Variants in PPP6R3 observed in about 807,000 individuals in gnomAD.
The protein encoded by PPP6R3 is protein phosphatase 6 regulatory subunit 3.
PPP6R3 carries 38 observed loss-of-function variants against 110.7 expected under a neutral mutation model. The observed-to-expected ratio is 0.34, with a 90% CI of 0.26 to 0.45. The LOEUF (loss-of-function observed/expected upper bound fraction) is 0.45, where lower values mean the gene tolerates loss of function less well. Ranked by LOEUF, PPP6R3 falls within the 20% of genes least tolerant of loss-of-function variation. PPP6R3 has a pLI of 1.00. For synonymous variants in PPP6R3, 369 were observed against 373.5 expected (o/e 0.99, Z 0.14); for missense variants, 870 against 1,062.4 (o/e 0.82, Z 2.52).
intron 2 of PPP6R3, among the ~76,000 whole-genome samples, chr11:68,523,964 A>G (rs947285163): frequency 2.6e-5 from 4 of 152,078 alleles, no homozygotes; most frequent in Admixed American, 2.6e-4. Context: ...AAGGTTACAT[A>G]ATCTTTTCTA....
chr11:68,463,340 C>T lies in PPP6R3; in HGVS notation c.-158+2513C>T, dbSNP rs996185376. On this transcript the variant is annotated intron_variant, in intron 1 of 23. Coordinates refer to ENST00000393800, the MANE Select transcript of PPP6R3 (RefSeq NM_001164161.2). ...GCCAAGTCCAGCCTAGGAGACAGAG[C>T]GAGACTCAGTCTCAGAAAAAAAAAA... is the stretch of plus-strand genomic sequence containing the variant. Among the ~76,000 whole-genome samples the T allele has an allele frequency of 3.3e-4, 39 of 116,430 alleles. 1 individual carries two copies. Among genetic ancestry groups the T allele is most frequent in the Non-Finnish European group, 5.7e-4 (34 of 59,558 alleles). The allele number at this position is 116,430 out of a possible 152,430, so 76.4% of individuals were successfully genotyped here.
chr11:68,542,389 G>GTTTTGTTTTT (rs1555132285), intron 3 of PPP6R3, among the ~76,000 whole-genome samples: 3 of 40,188 alleles, frequency 7.5e-5, no homozygotes, highest in Non-Finnish European at 1.2e-4. Flanking sequence ...AGAAGCTGCT[G>GTTTTGTTTTT]TTTTTTTTTT....
At chr11:68,530,272 G>A (rs901788220) in intron 2 of PPP6R3, among the ~76,000 whole-genome samples, 3 of 152,048 alleles carry the variant, frequency 2.0e-5, no homozygotes, top group African/African-American at 7.3e-5. Flanking sequence ...AGTGCTGAAG[G>A]GAGACTTGGG....
chr11:68,598,333 A>T (rs1273181161), intron 19 of PPP6R3, among the ~76,000 whole-genome samples: 1 of 152,198 alleles, frequency 6.6e-6, no homozygotes, highest in Non-Finnish European at 1.5e-5. Flanking sequence ...GTTAAGTGAC[A>T]GGGAGGGAAA....
chr11:68,510,177 A>G (rs1292944148), intron 1 of PPP6R3, among the ~76,000 whole-genome samples: 1 of 145,332 alleles, frequency 6.9e-6, no homozygotes, highest in Non-Finnish European at 1.5e-5. Flanking sequence ...CAGTGCTGGG[A>G]TTACAGGCAT....
chr11:68,521,815 A>G (rs2099165496), intron 2 of PPP6R3, among the ~76,000 whole-genome samples: 1 of 152,206 alleles, frequency 6.6e-6, no homozygotes, highest in Non-Finnish European at 1.5e-5. Flanking sequence ...AATTTTCTGT[A>G]ATACAGCTCT....
intron 2 of PPP6R3, among the ~76,000 whole-genome samples, chr11:68,532,109 G>A (rs144248990): frequency 2.0e-5 from 3 of 152,286 alleles, no homozygotes; most frequent in African/African-American, 7.2e-5. Flanking sequence ...AGACAGGGTG[G>A]CACCTTTTTC....
rs140514573 is a variant in PPP6R3 at position 68,573,086 on chromosome 11, A to G, written c.1344-1023A>G. Among the ~76,000 whole-genome samples, 138 of 132,714 alleles carry G rather than the reference A, an allele frequency of 1.0e-3. 1 individual carries two copies. Among genetic ancestry groups the G allele is most frequent in the African/African-American group, 3.5e-3 (125 of 35,338 alleles). 87.1% of individuals were successfully genotyped at this position (132,714 alleles called of 152,430 possible). A position where few individuals can be genotyped will look rare whatever the true frequency, so the allele number is the denominator to read the frequency against. On this transcript the variant is annotated intron_variant, in intron 12 of 23. Transcript: ENST00000393800. ...CTTGGCACTTTGTAAATAGGTAGAGAAATCAGATTAATATGAGTTTACTTA... is the reference window on the plus strand; with the variant it reads ...CTTGGCACTTTGTAAATAGGTAGAGGAATCAGATTAATATGAGTTTACTTA...
intron 14 of PPP6R3, 82 bp downstream of exon 14, chr11:68,576,125 C>T (rs3740629): frequency 0.24 from 251,547 of 1,027,340 alleles, 31,592 homozygotes; most frequent in Middle Eastern, 0.3. Context: ...AAAAGATCTT[C>T]CATTTACCTC....
chr11:68,552,394 T>G (rs2099384778), intron 6 of PPP6R3, among the ~76,000 whole-genome samples: 1 of 152,236 alleles, frequency 6.6e-6, no homozygotes, highest in Non-Finnish European at 1.5e-5. Flanking sequence ...TTCACTCTGA[T>G]CCATTCAGAA....
intron 2 of PPP6R3, among the ~76,000 whole-genome samples, chr11:68,533,767 T>A (rs1476214721): frequency 2.0e-5 from 3 of 147,476 alleles, no homozygotes; most frequent in Non-Finnish European, 4.5e-5. Context: ...TGCTAAAGAA[T>A]TCCTTTTCTT....
Position 68,567,181 on chromosome 11 carries a change from G to T in PPP6R3, c.1128+15G>T, listed in dbSNP as rs184675194. 5.7e-4 allele frequency: 868 copies of T among 1,520,516 alleles called. 2 individuals carry two copies. Among genetic ancestry groups the T allele is most frequent in the Non-Finnish European group, 7.1e-4 (803 of 1,130,808 alleles). 94.2% of individuals were successfully genotyped at this position (1,520,516 alleles called of 1,614,324 possible). The stretch of plus-strand genomic sequence containing the variant: ...GAGTCATATTGGTGAGATTTTCCCT[G>T]CTCACAGACATTTTAATTTGCCATT... On this transcript the variant is annotated intron_variant, in intron 10 of 23. Transcript: ENST00000393800.
chr11:68,553,596 C>T (rs999230684), intron 6 of PPP6R3, among the ~76,000 whole-genome samples: 1 of 152,030 alleles, frequency 6.6e-6, no homozygotes, highest in Non-Finnish European at 1.5e-5. Context: ...CCCAGCTGTA[C>T]TTTCACTTTT....
chr11:68,501,743 C>T (rs2099049953), intron 1 of PPP6R3, among the ~76,000 whole-genome samples: 1 of 152,168 alleles, frequency 6.6e-6, no homozygotes, highest in African/African-American at 2.4e-5. Flanking sequence ...TTAAATTTTT[C>T]ATGTTTTGTT....
intron 23 of PPP6R3, among the ~76,000 whole-genome samples, chr11:68,612,050 C>T (rs924553696): frequency 1.3e-5 from 2 of 152,200 alleles, no homozygotes; most frequent in African/African-American, 4.8e-5. Flanking sequence ...TAGTGAAGCC[C>T]TGTGGGGCGT....
At chr11:68,567,964 T>A (rs1565898309) in intron 10 of PPP6R3, among the ~76,000 whole-genome samples, 1 of 152,012 alleles carries the variant, frequency 6.6e-6, no homozygotes. Flanking sequence ...GAGGATGTGT[T>A]TTTCAGATCA....
intron 3 of PPP6R3, among the ~76,000 whole-genome samples, chr11:68,543,560 G>T (rs1323778320): frequency 6.6e-6 from 1 of 152,214 alleles, no homozygotes; most frequent in East Asian, 1.9e-4. Flanking sequence ...CTTGCTGCAG[G>T]CAGCACTTGC....
chr11:68,588,559 G>A (rs2099585889), intron 16 of PPP6R3, among the ~76,000 whole-genome samples: 1 of 151,714 alleles, frequency 6.6e-6, no homozygotes, highest in Admixed American at 6.6e-5. Context: ...CTGGGTTCAC[G>A]CCATTCTCCT....
At chr11:68,493,549 C>T (rs988720606) in intron 1 of PPP6R3, among the ~76,000 whole-genome samples, 8 of 149,618 alleles carry the variant, frequency 5.3e-5, no homozygotes, top group Non-Finnish European at 8.9e-5. Flanking sequence ...CCTCCTGCTA[C>T]AGCCTCCCAG....
Sources: gnomAD v4.1 joint callset for allele counts (sites outside exome capture counted in the v4.1 genomes callset) on GRCh38, gnomAD v4.1.1 for gene constraint, MANE v1.5 for transcripts, NCBI Gene and HGNC (gene_info 2026-07-23, HGNC 2026-07-21) for gene names.